Variants in GAP43 observed in about 807,000 individuals in gnomAD.
GAP43 encodes the protein neuromodulin.
Under a neutral mutation model 18.6 loss-of-function variants are expected in GAP43, and 6 were observed. The observed-to-expected ratio is 0.32, with a 90% CI of 0.18 to 0.64. GAP43 has a LOEUF of 0.64. Among genes scored for constraint, GAP43 ranks in the 30% least tolerant of loss-of-function variants. GAP43 has a pLI of 0.78. For missense variants in GAP43, 292 were observed against 295.5 expected (o/e 0.99, Z 0.09); for synonymous variants, 115 against 111.4 (o/e 1.03, Z -0.20).
At chr3:115,668,063 G>C (rs1304339105) in intron 1 of GAP43, among the ~76,000 whole-genome samples, 1 of 152,194 alleles carries the variant, frequency 6.6e-6, no homozygotes, top group East Asian at 1.9e-4. Context: ...CAAGAGTAGA[G>C]ATGCTTCCTC....
intron 2 of GAP43, among the ~76,000 whole-genome samples, chr3:115,689,557 A>G (rs558689200): frequency 2.8e-4 from 42 of 152,294 alleles, no homozygotes; most frequent in African/African-American, 9.1e-4. Context: ...TTGGAATTTT[A>G]TACATCAGCA....
intron 2 of GAP43, among the ~76,000 whole-genome samples, chr3:115,709,844 CATATAT>C (rs149885836): frequency 1.4e-5 from 2 of 148,016 alleles, no homozygotes; most frequent in African/African-American, 2.5e-5. Flanking sequence ...CATGAACATA[CATATAT>C]ATATATATAT....
intron 2 of GAP43, among the ~76,000 whole-genome samples, chr3:115,683,144 C>CGT (rs1450539248): frequency 2.8e-5 from 3 of 108,192 alleles, no homozygotes; most frequent in African/African-American, 6.1e-5. Flanking sequence ...TGCGCGCGCG[C>CGT]GCGCACACAC....
intron 2 of GAP43, among the ~76,000 whole-genome samples, chr3:115,690,634 AATT>A (rs1173551344): frequency 6.6e-6 from 1 of 152,090 alleles, no homozygotes; most frequent in African/African-American, 2.4e-5. Flanking sequence ...GTAGGTCCTC[AATT>A]ATTATCATTT....
chr3:115,709,554 C>T (rs945004025), intron 2 of GAP43, among the ~76,000 whole-genome samples: 2 of 152,098 alleles, frequency 1.3e-5, no homozygotes, highest in Non-Finnish European at 2.9e-5. Context: ...ACATTGACTT[C>T]CTAGAATTAA....
chr3:115,662,483 T>C (rs1708674986), intron 1 of GAP43, among the ~76,000 whole-genome samples: 1 of 152,214 alleles, frequency 6.6e-6, no homozygotes, highest in East Asian at 1.9e-4. Flanking sequence ...ATTTTCTATG[T>C]AGTAACTGTC....
chr3:115,668,432 T>G (rs761754593), intron 1 of GAP43, among the ~76,000 whole-genome samples: 1 of 152,114 alleles, frequency 6.6e-6, no homozygotes, highest in Non-Finnish European at 1.5e-5. Flanking sequence ...CCACTTTTAT[T>G]TATTTATTTG....
chr3:115,694,905 C>T (rs1709165354), intron 2 of GAP43, among the ~76,000 whole-genome samples: 1 of 152,140 alleles, frequency 6.6e-6, no homozygotes, highest in African/African-American at 2.4e-5. Flanking sequence ...ACATACACAA[C>T]ATTAGAAGTA....
At chr3:115,701,110 T>C (rs1472280510) in intron 2 of GAP43, among the ~76,000 whole-genome samples, 1 of 152,168 alleles carries the variant, frequency 6.6e-6, no homozygotes, top group Non-Finnish European at 1.5e-5. Context: ...CTCCCGTTCA[T>C]ATTATGATCT....
chr3:115,648,377 T>C (rs529415919), intron 1 of GAP43, among the ~76,000 whole-genome samples: 8 of 152,192 alleles, frequency 5.3e-5, no homozygotes, highest in African/African-American at 9.6e-5. Context: ...ATCTTCAGCA[T>C]TGAACTCCAT....
intron 2 of GAP43, among the ~76,000 whole-genome samples, chr3:115,693,693 G>T (rs1205406430): frequency 6.6e-6 from 1 of 151,842 alleles, no homozygotes; most frequent in African/African-American, 2.4e-5. Context: ...AGAAAGGGGT[G>T]GGGGAGTGCT....
In GAP43 at chr3:115,675,917, A is replaced by G. The variant is rs1321045803; in HGVS notation, c.31-96A>G. On this transcript the variant is annotated intron_variant, in intron 1 of 2. Transcript: ENST00000305124. The stretch of plus-strand genomic sequence containing the variant: ...TAACTCCAAAAACAGTGCCTGGCAC[A>G]AAATAAATCACTTAATAAATACTTG... The G allele has an allele frequency of 4.6e-6, 7 of 1,509,152 alleles. 1 individual carries two copies. The South Asian group carries it at 5.6e-5, about 12-fold the overall frequency. The allele number at this position is 1,509,152 out of a possible 1,614,324, so 93.5% of individuals were successfully genotyped here. A position where few individuals can be genotyped will look rare whatever the true frequency, so the allele number is the denominator to read the frequency against.
intron 2 of GAP43, among the ~76,000 whole-genome samples, chr3:115,702,714 G>T (rs899492705): frequency 2.0e-5 from 3 of 152,058 alleles, no homozygotes; most frequent in African/African-American, 7.2e-5. Flanking sequence ...CAACTAAACA[G>T]GATTTGTTTC....
At chr3:115,696,575 A>AC (rs1451962895) in intron 2 of GAP43, among the ~76,000 whole-genome samples, 328 of 32,708 alleles carry the variant, frequency 0.01, 2 homozygotes, top group East Asian at 0.016. Context: ...GCTGCCCCCC[A>AC]CCGCCCCCCC....
intron 1 of GAP43, among the ~76,000 whole-genome samples, chr3:115,635,323 G>T (rs959983934): frequency 2.0e-5 from 3 of 152,026 alleles, no homozygotes; most frequent in African/African-American, 7.2e-5. Context: ...AAGACACAAG[G>T]TGGTAGCTTT....
chr3:115,666,950 A>G (rs528757949), intron 1 of GAP43, among the ~76,000 whole-genome samples: 2 of 152,238 alleles, frequency 1.3e-5, no homozygotes, highest in East Asian at 3.9e-4. Flanking sequence ...GTGCACTTAT[A>G]AATGTAAGAA....
At chr3:115,700,616 ATAT>A (rs1293303245) in intron 2 of GAP43, among the ~76,000 whole-genome samples, 1 of 151,982 alleles carries the variant, frequency 6.6e-6, no homozygotes, top group African/African-American at 2.4e-5. Context: ...ATTTCTCTCT[ATAT>A]TATTATGTAC....
intron 2 of GAP43, among the ~76,000 whole-genome samples, chr3:115,683,700 C>T (rs1481482749): frequency 1.3e-5 from 2 of 151,962 alleles, no homozygotes; most frequent in Non-Finnish European, 2.9e-5. Flanking sequence ...TTAATAAAAC[C>T]TTGGATGCTT....
At chr3:115,678,733 A>G (rs1328554846) in intron 2 of GAP43, among the ~76,000 whole-genome samples, 1 of 152,116 alleles carries the variant, frequency 6.6e-6, no homozygotes, top group Non-Finnish European at 1.5e-5. Context: ...AATTAATCAG[A>G]CTTTATCATG....
Sources: allele counts gnomAD v4.1 joint callset (sites outside exome capture counted in the v4.1 genomes callset), GRCh38; gene constraint gnomAD v4.1.1; transcripts MANE v1.5; gene names NCBI Gene and HGNC (gene_info 2026-07-23, HGNC 2026-07-21).